The following CNOT1 variants were observed in gnomAD, a reference collection of about 807,000 sequenced individuals.
CNOT1 encodes the protein CCR4-NOT transcription complex subunit 1.
Under a neutral mutation model 273.8 loss-of-function variants are expected in CNOT1, and 15 were observed. The observed-to-expected ratio is 0.05, with a 90% CI of 0.04 to 0.08. The LOEUF is 0.08. Among genes scored for constraint, CNOT1 ranks in the 10% least tolerant of loss-of-function variants. The pLI is 1.00. For missense variants in CNOT1, 1,644 were observed against 2,912.2 expected (o/e 0.56, Z 10.02); for synonymous variants, 1,022 against 1,005.5 (o/e 1.02, Z -0.31).
chr16:58,591,841 A>G (rs996554257), intron 2 of CNOT1, among the ~76,000 whole-genome samples: 1 of 151,752 alleles, frequency 6.6e-6, no homozygotes, highest in Non-Finnish European at 1.5e-5. Flanking sequence ...ATCCTCCCTC[A>G]TGTCTTCTTT....
intron 31 of CNOT1, chr16:58,543,249 T>G (rs1453558064): frequency 6.5e-7 from 1 of 1,541,842 alleles, no homozygotes; most frequent in Admixed American, 2.0e-5. Flanking sequence ...CAACATCACT[T>G]TAAGTCATTT....
At chr16:58,625,751 C>A in intron 1 of CNOT1, among the ~76,000 whole-genome samples, 1 of 149,788 alleles carries the variant, frequency 6.7e-6, no homozygotes, top group East Asian at 2.0e-4. Context: ...CCCAGCTACT[C>A]AGGGGCTGAG....
intron 34 of CNOT1, among the ~76,000 whole-genome samples, chr16:58,540,312 T>C (rs1286390929): frequency 6.6e-6 from 1 of 152,158 alleles, no homozygotes; most frequent in African/African-American, 2.4e-5. Context: ...AAAGTAAGTG[T>C]TTCAAACCAT....
chr16:58,555,799 G>A lies in CNOT1; in HGVS notation c.2589C>T (p.Thr863=). 4 of 1,614,012 alleles carry A rather than the reference G, an allele frequency of 2.5e-6. No individual in the cohort carries two copies. Among genetic ancestry groups the A allele is most frequent in the Non-Finnish European group, 3.4e-6 (4 of 1,180,016 alleles). Residue 863 remains threonine, a synonymous_variant, in exon 20 of 49, where the codon ACC becomes ACT. Transcript: ENST00000317147. ...QRIYNHPPHP[T]MSVDEVLEML... ...AGACACTCACCTCATCAACAGACAT[G>A]GTTGGATGTGGTGGATGATTATATA...
chr16:58,540,059 T>A (rs2040042864), intron 34 of CNOT1, 100 bp from the exon 35 acceptor site: 1 of 1,187,148 alleles, frequency 8.4e-7, no homozygotes, highest in East Asian at 2.5e-5. Flanking sequence ...GTTTACTCCC[T>A]TTTTCTTATT....
rs1218925758 is a variant in CNOT1 at position 58,551,627 on chromosome 16, T to C, written c.3163A>G (p.Thr1055Ala). 4.3e-6 allele frequency: 7 copies of C among 1,614,220 alleles called. No individual in the cohort carries two copies. The highest frequency in any genetic ancestry group is 1.3e-5 in the African/African-American group (1 of 75,068). Reference sequence around the variant, plus strand: ...TTAAAGCTGACTCCAGTTGGCCTGGTGACCGTAACCGTTTTAGCAACAGTG... The same window carrying C: ...TTAAAGCTGACTCCAGTTGGCCTGGCGACCGTAACCGTTTTAGCAACAGTG... ...TTTVAKTVTV[T>A]RPTGVSFKKD... is the part of the protein sequence containing the mutation. The change falls in exon 23 of 49, where the codon ACC becomes GCC. Residue 1055 changes from threonine to alanine, a missense_variant. Transcript: ENST00000317147.
rs2040118787 is a variant in CNOT1 at position 58,542,396 on chromosome 16, A to G, written c.4575+32T>C. 3.7e-6 allele frequency: 6 copies of G among 1,612,838 alleles called. No homozygotes were observed. In the African/African-American group the frequency reaches 4.0e-5, roughly 11 times the overall value. On this transcript the variant is annotated intron_variant, in intron 32 of 48. Transcript: ENST00000317147. Reference sequence around the variant, plus strand: ...AAGGCACTTCCCTAAATTAAAAAAGAAAATCTTAAAAGGCAAATTCTAAAC... The same window carrying G: ...AAGGCACTTCCCTAAATTAAAAAAGGAAATCTTAAAAGGCAAATTCTAAAC...
At chr16:58,609,879 T>C (rs1234575904) in intron 1 of CNOT1, among the ~76,000 whole-genome samples, 2 of 150,384 alleles carry the variant, frequency 1.3e-5, no homozygotes, top group Non-Finnish European at 3.0e-5. Context: ...AATAATACAT[T>C]AACATATATA....
intron 4 of CNOT1, 130 bp downstream of exon 4, chr16:58,587,650 T>G (rs1488904505): frequency 8.5e-7 from 1 of 1,173,696 alleles, no homozygotes. Context: ...TGTTACAAAC[T>G]ATAAAAGACA....
intron 11 of CNOT1, 129 bp downstream of exon 11, chr16:58,581,216 C>A: frequency 9.3e-7 from 1 of 1,075,846 alleles, no homozygotes; most frequent in Non-Finnish European, 1.3e-6. Context: ...ATGGACAGTC[C>A]TTGCTTTTCT....
At chr16:58,552,254 T>C (rs1198120864) in intron 22 of CNOT1, among the ~76,000 whole-genome samples, 1 of 151,882 alleles carries the variant, frequency 6.6e-6, no homozygotes, top group African/African-American at 2.4e-5. Flanking sequence ...AAAAACTCAC[T>C]TTACATAGCC....
chr16:58,578,646 A>C, intron 13 of CNOT1, 53 bp downstream of exon 13: 2 of 1,597,888 alleles, frequency 1.3e-6, no homozygotes. Context: ...CAACACTCCA[A>C]AGAAGATCAA....
intron 24 of CNOT1, among the ~76,000 whole-genome samples, chr16:58,550,761 A>C (rs139823891): frequency 6.6e-6 from 1 of 152,272 alleles, no homozygotes; most frequent in African/African-American, 2.4e-5. Context: ...CTGTCTTACC[A>C]TGTAATCTGA....
At chr16:58,623,734 A>G (rs1044942002) in intron 1 of CNOT1, among the ~76,000 whole-genome samples, 1 of 152,122 alleles carries the variant, frequency 6.6e-6, no homozygotes, top group Non-Finnish European at 1.5e-5. Context: ...CCTGTCTGTA[A>G]TCCCAGCACT....
intron 1 of CNOT1, among the ~76,000 whole-genome samples, chr16:58,603,408 A>AGTGTGTGTGTGT (rs200088613): frequency 4.3e-4 from 42 of 96,748 alleles, no homozygotes; most frequent in Non-Finnish European, 6.1e-4. Flanking sequence ...ACAATTTAAA[A>AGTGTGTGTGTGT]GTGTGTGTGT....
intron 1 of CNOT1, among the ~76,000 whole-genome samples, chr16:58,603,081 T>C (rs1188185096): frequency 2.0e-5 from 3 of 152,150 alleles, no homozygotes; most frequent in African/African-American, 4.8e-5. Flanking sequence ...ATAACCAGAA[T>C]CCAACCATTT....
chr16:58,567,588 G>A (rs1057096206), intron 16 of CNOT1, among the ~76,000 whole-genome samples: 5 of 145,486 alleles, frequency 3.4e-5, no homozygotes, highest in Non-Finnish European at 6.0e-5. Context: ...AAAGCAAAAC[G>A]ACAGGGTATG....
chr16:58,533,215 G>A (rs2039822194), intron 40 of CNOT1: 1 of 152,254 alleles, frequency 6.6e-6, no homozygotes, highest in Non-Finnish European at 1.5e-5. Context: ...AAAATGTTTG[G>A]GGGAAGGGTT....
chr16:58,534,912 C>A (rs954245082), intron 39 of CNOT1, among the ~76,000 whole-genome samples: 2 of 151,660 alleles, frequency 1.3e-5, no homozygotes, highest in Non-Finnish European at 2.9e-5. Context: ...CAGGTAAGTA[C>A]CAAATGGAAA....
Sources: allele counts gnomAD v4.1 joint callset (sites outside exome capture counted in the v4.1 genomes callset), GRCh38; gene constraint gnomAD v4.1.1; transcripts MANE v1.5; gene names NCBI Gene and HGNC (gene_info 2026-07-23, HGNC 2026-07-21).